CACNA1H: variants seen among roughly 807,000 people sequenced by gnomAD.
CACNA1H encodes the protein voltage-dependent T-type calcium channel subunit alpha-1H.
Under a neutral mutation model 192.5 loss-of-function variants are expected in CACNA1H, and 149 were observed. That is an observed-to-expected ratio of 0.77 (90% CI 0.68 to 0.89). The LOEUF (loss-of-function observed/expected upper bound fraction) is 0.89. Ranked by LOEUF, CACNA1H falls within the 40% of genes least tolerant of loss-of-function variation. The pLI, the probability that CACNA1H is intolerant of heterozygous loss-of-function variation, is 0.00. For missense variants in CACNA1H, 4,257 were observed against 3,423.5 expected (o/e 1.24, Z -6.08); for synonymous variants, 2,202 against 1,475.2 (o/e 1.49, Z -11.29).
intron 2 of CACNA1H, among the ~76,000 whole-genome samples, chr16:1,187,234 C>T (rs1966163273): frequency 1.3e-5 from 2 of 152,228 alleles, no homozygotes; most frequent in African/African-American, 4.8e-5. Context: ...CCGCGTGGGG[C>T]CGTGGGCAGA....
At chr16:1,154,708 C>T (rs530111343) in intron 2 of CACNA1H, among the ~76,000 whole-genome samples, 17 of 152,286 alleles carry the variant, frequency 1.1e-4, no homozygotes, top group South Asian at 6.2e-4. Context: ...ATCTCCCCAG[C>T]CCCTTCCCTG....
At chr16:1,186,742 G>A (rs1966103734) in intron 2 of CACNA1H, among the ~76,000 whole-genome samples, 1 of 152,174 alleles carries the variant, frequency 6.6e-6, no homozygotes, top group Non-Finnish European at 1.5e-5. Flanking sequence ...ATGCTTCCTG[G>A]CCGGTGAATG....
chr16:1,197,242 C>T (rs1967090332), intron 5 of CACNA1H, among the ~76,000 whole-genome samples: 1 of 152,222 alleles, frequency 6.6e-6, no homozygotes, highest in African/African-American at 2.4e-5. Context: ...TGGAATAGTG[C>T]AGTACAGGAG....
intron 25 of CACNA1H, 106 bp from the exon 26 acceptor site, chr16:1,212,405 G>A (rs1969560485): frequency 1.6e-6 from 2 of 1,243,150 alleles, no homozygotes; most frequent in Non-Finnish European, 2.3e-6. Flanking sequence ...ACTCCACGAG[G>A]AGCCAGCACA....
Position 1,194,988 on chromosome 16 carries a change from A to G in CACNA1H, c.316A>G (p.Ser106Gly), listed in dbSNP as rs1304167364. 1 of 1,611,746 alleles carries G rather than the reference A, an allele frequency of 6.2e-7. No homozygotes were observed. Among genetic ancestry groups the G allele is most frequent in the Non-Finnish European group, 8.5e-7 (1 of 1,179,188 alleles). Residue 106 changes from serine to glycine, a missense_variant, in exon 3 of 35, where the codon AGC becomes GGC. Physicochemically the swap from Ser to Gly is moderately conservative, Grantham distance 56. Transcript: ENST00000348261. ...CGGCGACACATGGTTCGAGCACGTG[A>G]GCATGCTGGTAATCATGCTCAACTG... is the stretch of plus-strand genomic sequence containing the variant. Reference protein sequence around the residue: ...LVCNPWFEHVSMLVIMLNCVT... With the variant: ...LVCNPWFEHVGMLVIMLNCVT...
intron 17 of CACNA1H, among the ~76,000 whole-genome samples, 171 bp from the exon 18 acceptor site, chr16:1,209,864 T>A (rs142073625): frequency 1.0e-3 from 154 of 152,234 alleles, no homozygotes; most frequent in African/African-American, 3.6e-3. Context: ...GGCTCCACGG[T>A]ATGGGCCCCA....
chr16:1,208,713 T>C (rs546179707), intron 16 of CACNA1H, among the ~76,000 whole-genome samples: 5 of 152,134 alleles, frequency 3.3e-5, no homozygotes, highest in Non-Finnish European at 4.4e-5. Flanking sequence ...GCGGGGCAGC[T>C]GTGAGGCAGA....
intron 2 of CACNA1H, among the ~76,000 whole-genome samples, chr16:1,156,491 C>T (rs900547595): frequency 1.3e-5 from 2 of 152,050 alleles, no homozygotes; most frequent in African/African-American, 2.4e-5. Context: ...CTTTCCAGAG[C>T]GCTTCAGATT....
chr16:1,179,419 C>G (rs980441994), intron 2 of CACNA1H, among the ~76,000 whole-genome samples: 2 of 152,132 alleles, frequency 1.3e-5, no homozygotes, highest in Non-Finnish European at 2.9e-5. Context: ...CCGACCGAGC[C>G]GCTGCTGAGT....
At chr16:1,163,928 C>A (rs1483227965) in intron 2 of CACNA1H, among the ~76,000 whole-genome samples, 1 of 152,206 alleles carries the variant, frequency 6.6e-6, no homozygotes, top group African/African-American at 2.4e-5. Flanking sequence ...CCGCTTGTGA[C>A]TCAGCGGCTC....
At position 1,212,205 on chromosome 16, in the gene CACNA1H, C is replaced by T. The variant is rs754485717; in HGVS notation, c.4759+67C>T. Reference sequence around the variant, plus strand: ...CTGTGTGCCCACCGGGCCCTCCAGCCCCTCCACTCCCGCCCCGGCCTCCCC... The same window carrying T: ...CTGTGTGCCCACCGGGCCCTCCAGCTCCTCCACTCCCGCCCCGGCCTCCCC... On this transcript the variant is annotated intron_variant, in intron 25 of 34. Coordinates refer to ENST00000348261, the MANE Select transcript of CACNA1H (RefSeq NM_021098.3). 5.9e-6 allele frequency: 9 copies of T among 1,516,728 alleles called. No homozygotes were observed. The South Asian group carries it at 6.2e-5, about 10-fold the overall frequency. 94.0% of individuals were successfully genotyped at this position (1,516,728 alleles called of 1,614,324 possible).
At chr16:1,164,920 C>T (rs952183321) in intron 2 of CACNA1H, among the ~76,000 whole-genome samples, 1 of 152,160 alleles carries the variant, frequency 6.6e-6, no homozygotes, top group Non-Finnish European at 1.5e-5. Context: ...TTTGCTGGTC[C>T]CTGGCTTGGC....
At chr16:1,203,468 G>C (rs1968248911) in intron 9 of CACNA1H, among the ~76,000 whole-genome samples, 1 of 152,212 alleles carries the variant, frequency 6.6e-6, no homozygotes, top group African/African-American at 2.4e-5. Flanking sequence ...CCCAGTACGT[G>C]AGCAGGAATG....
intron 21 of CACNA1H, 89 bp downstream of exon 21, chr16:1,211,060 G>C (rs1969385864): frequency 1.3e-6 from 2 of 1,556,932 alleles, no homozygotes; most frequent in East Asian, 2.3e-5. Flanking sequence ...GTCCTGGGCT[G>C]TTCGCAGGCC....
Position 1,207,642 on chromosome 16 carries a change from C to A in CACNA1H, c.3064-128C>A, listed in dbSNP as rs547189175. Reference sequence around the variant, plus strand: ...TTCCTCACCTACCTGCCCACCCTGGCAGTGACATCATCCTCTGGGCCCTTC... The same window carrying A: ...TTCCTCACCTACCTGCCCACCCTGGAAGTGACATCATCCTCTGGGCCCTTC... On this transcript the variant is annotated intron_variant, in intron 14 of 34. Transcript: ENST00000348261. 3.2e-4 allele frequency: 299 copies of A among 949,174 alleles called. No individual in the cohort carries two copies. The African/African-American group carries it at 4.1e-3, about 13-fold the overall frequency. The allele number at this position is 949,174 out of a possible 1,614,324, so 58.8% of individuals were successfully genotyped here. A position where few individuals can be genotyped will look rare whatever the true frequency, so the allele number is the denominator to read the frequency against.
chr16:1,197,348 C>T (rs535527234), intron 5 of CACNA1H, among the ~76,000 whole-genome samples: 2 of 152,228 alleles, frequency 1.3e-5, no homozygotes, highest in Non-Finnish European at 1.5e-5. Context: ...TCAGTCTGCA[C>T]GCCGGCCTGG....
At chr16:1,158,693 C>G (rs1962766809) in intron 2 of CACNA1H, among the ~76,000 whole-genome samples, 1 of 152,170 alleles carries the variant, frequency 6.6e-6, no homozygotes, top group Admixed American at 6.5e-5. Context: ...GTGCGCCTCC[C>G]AGACCCGCTT....
At chr16:1,162,505 CAGAG>C (rs1297042616) in intron 2 of CACNA1H, among the ~76,000 whole-genome samples, 6 of 152,188 alleles carry the variant, frequency 3.9e-5, no homozygotes, top group South Asian at 2.1e-4. Flanking sequence ...GAGCAGCCCC[CAGAG>C]AGAGAGGACG....
chr16:1,216,887 T>C, intron 30 of CACNA1H, 45 bp from the exon 31 acceptor site: 1 of 1,514,860 alleles, frequency 6.6e-7, no homozygotes, highest in Non-Finnish European at 9.0e-7. Context: ...GGCTGAGGCC[T>C]CCCTGCCCGC....
Sources: allele counts gnomAD v4.1 joint callset (sites outside exome capture counted in the v4.1 genomes callset), GRCh38; gene constraint gnomAD v4.1.1; transcripts MANE v1.5; gene names NCBI Gene and HGNC (gene_info 2026-07-23, HGNC 2026-07-21).